The following MAP4 variants were observed in gnomAD, a reference collection of about 807,000 sequenced individuals.
MAP4 encodes the protein microtubule-associated protein 4.
In MAP4, 76 loss-of-function variants were observed where a neutral mutation model predicts 170.2. The observed-to-expected ratio is 0.45, with a 90% CI of 0.37 to 0.54. The LOEUF is 0.54. MAP4 is among the 20% of genes least tolerant of loss of function. The probability of loss-of-function intolerance (pLI) is 0.00; values close to 1 mark genes in which losing one functional copy is unlikely to be tolerated. For synonymous variants in MAP4, 909 were observed against 994.5 expected (o/e 0.91, Z 1.62); for missense variants, 2,506 against 2,748.0 (o/e 0.91, Z 1.97).
intron 1 of MAP4, among the ~76,000 whole-genome samples, chr3:48,071,642 T>G (rs761728883): frequency 6.6e-6 from 1 of 152,080 alleles, no homozygotes; most frequent in Non-Finnish European, 1.5e-5. Flanking sequence ...ATGAAAAAAG[T>G]AGCCGGGTGC....
At chr3:47,946,528 C>G (rs1559553335) in intron 3 of MAP4, among the ~76,000 whole-genome samples, 1 of 149,086 alleles carries the variant, frequency 6.7e-6, no homozygotes, top group African/African-American at 2.4e-5. Flanking sequence ...GTGGCACAAA[C>G]CTATAATCCC....
intron 2 of MAP4, among the ~76,000 whole-genome samples, chr3:47,979,712 C>T (rs529259737): frequency 2.0e-4 from 31 of 152,286 alleles, no homozygotes; most frequent in Non-Finnish European, 1.8e-4. Context: ...CCGCCTGCTT[C>T]GGCCTCCCAA....
chr3:48,025,933 T>TAATAAC (rs1553727330), intron 1 of MAP4, among the ~76,000 whole-genome samples: 14 of 147,998 alleles, frequency 9.5e-5, no homozygotes, highest in Non-Finnish European at 1.5e-4. Context: ...ATAATAATAA[T>TAATAAC]AATAACAATA....
intron 3 of MAP4, among the ~76,000 whole-genome samples, chr3:47,951,657 T>C (rs2100063994): frequency 6.6e-6 from 1 of 152,154 alleles, no homozygotes; most frequent in African/African-American, 2.4e-5. Flanking sequence ...CAGTGCTCAA[T>C]GTTGCCCAGG....
intron 2 of MAP4, chr3:47,987,465 T>C (rs1433952593): frequency 2.1e-6 from 3 of 1,439,104 alleles, no homozygotes; most frequent in Admixed American, 4.9e-5. Context: ...AGTCAGGGAA[T>C]GTTCTGGAAA....
At chr3:47,869,087 A>T in intron 16 of MAP4, 127 bp downstream of exon 16, 1 of 721,056 alleles carries the variant, frequency 1.4e-6, no homozygotes, top group Admixed American at 2.3e-5. Context: ...AGAGAAGGGA[A>T]TATAGGGGAG....
intron 1 of MAP4, among the ~76,000 whole-genome samples, chr3:48,060,469 A>T (rs759527769): frequency 6.6e-6 from 1 of 152,210 alleles, no homozygotes; most frequent in Non-Finnish European, 1.5e-5. Flanking sequence ...TACAACCCCA[A>T]AAACATGATG....
In MAP4 at chr3:47,869,288, G is replaced by C. The variant is rs1330753820; in HGVS notation, c.6334C>G (p.Arg2112Gly). 10 of 1,614,000 alleles carry C rather than the reference G, an allele frequency of 6.2e-6. No homozygotes were observed. The Admixed American group carries it at 6.7e-5, about 11-fold the overall frequency. The change falls in exon 16 of 21, where the codon CGA (arginine) becomes GGA (glycine). Residue 2112 changes from arginine (R) to glycine (G), a missense_variant. Physicochemically the swap from Arg to Gly is moderately radical, Grantham distance 125. Coordinates refer to ENST00000683076, the MANE Select transcript of MAP4 (RefSeq NM_001385682.1). ...EKKTEAAATT[R>G]KPESNAVTKT... ...GTGACTGCATTAGATTCAGGCTTTC[G>C]GGTTGTAGCAGCTGCCTCTGTTTTT...
At chr3:48,068,671 C>G (rs1347752441) in intron 1 of MAP4, among the ~76,000 whole-genome samples, 1 of 152,166 alleles carries the variant, frequency 6.6e-6, no homozygotes, top group Non-Finnish European at 1.5e-5. Context: ...GTAATCCCAG[C>G]TACTCGGAAG....
chr3:47,897,434 C>CT (rs907613576), intron 10 of MAP4, among the ~76,000 whole-genome samples: 1 of 151,974 alleles, frequency 6.6e-6, no homozygotes, highest in Non-Finnish European at 1.5e-5. Flanking sequence ...CCCAATGTAT[C>CT]TTTTTTGTGA....
chr3:48,060,870 G>A (rs905554559), intron 1 of MAP4, among the ~76,000 whole-genome samples: 24 of 152,036 alleles, frequency 1.6e-4, no homozygotes, highest in Middle Eastern at 3.4e-3. Flanking sequence ...TTTTTGAGAC[G>A]GAGTCTCACT....
chr3:47,903,615 A>T (rs1454627247), intron 9 of MAP4, among the ~76,000 whole-genome samples: 1 of 152,246 alleles, frequency 6.6e-6, no homozygotes, highest in African/African-American at 2.4e-5. Flanking sequence ...CCTGCCTGGA[A>T]GAACATGCAT....
At chr3:47,905,545 CA>C (rs569453520) in intron 9 of MAP4, among the ~76,000 whole-genome samples, 105 of 129,292 alleles carry the variant, frequency 8.1e-4, no homozygotes, top group Non-Finnish European at 8.8e-4. Flanking sequence ...ACAACAACAA[CA>C]AAAAAAAAAA....
intron 11 of MAP4, 59 bp from the exon 12 acceptor site, chr3:47,875,959 G>A: frequency 8.1e-7 from 1 of 1,228,762 alleles, no homozygotes; most frequent in Non-Finnish European, 1.2e-6. Context: ...ACATCAAACA[G>A]ACAAGAATAA....
At chr3:48,084,575 C>CTT (rs746461438) in intron 1 of MAP4, among the ~76,000 whole-genome samples, 6 of 140,970 alleles carry the variant, frequency 4.3e-5, no homozygotes, top group South Asian at 2.3e-4. Context: ...TTTATTACCC[C>CTT]TTTTTTTTTT....
chr3:47,921,759 C>T lies in MAP4; in HGVS notation c.529+6G>A, dbSNP rs2153697252. Reference sequence around the variant, plus strand: ...TACAGAATAAATCCATTTGAAGAAGCCATACCGTAACTGTCTTTCAAGGGA... The same window carrying T: ...TACAGAATAAATCCATTTGAAGAAGTCATACCGTAACTGTCTTTCAAGGGA... On this transcript the variant is annotated splice_donor_region_variant and intron_variant, in intron 5 of 20. Transcript: ENST00000683076. The T allele has an allele frequency of 1.3e-6, 2 of 1,545,274 alleles. No individual in the cohort carries two copies. The highest frequency in any genetic ancestry group is 1.8e-6 in the Non-Finnish European group (2 of 1,117,746).
chr3:48,073,177 T>G (rs936584032), intron 1 of MAP4, among the ~76,000 whole-genome samples: 2 of 151,100 alleles, frequency 1.3e-5, no homozygotes, highest in African/African-American at 2.4e-5. Flanking sequence ...GCCACTGCAC[T>G]CCAGCCTGGG....
chr3:48,019,819 G>C (rs996215218), upstream of MAP4, among the ~76,000 whole-genome samples: 1 of 152,208 alleles, frequency 6.6e-6, no homozygotes, highest in Non-Finnish European at 1.5e-5. Flanking sequence ...CAAGGCTGCA[G>C]TGAGCCGTGA....
intron 9 of MAP4, among the ~76,000 whole-genome samples, chr3:47,906,795 TA>T (rs541813765): frequency 1.1e-3 from 155 of 139,926 alleles, no homozygotes; most frequent in Non-Finnish European, 1.9e-3. Context: ...GAAAAAAGAT[TA>T]AAAAAAAAAA....
Sources: allele counts gnomAD v4.1 joint callset (sites outside exome capture counted in the v4.1 genomes callset), GRCh38; gene constraint gnomAD v4.1.1; transcripts MANE v1.5; gene names NCBI Gene and HGNC (gene_info 2026-07-23, HGNC 2026-07-21).